The following PDE10A variants were observed in gnomAD, a reference collection of about 807,000 sequenced individuals.
PDE10A encodes cAMP and cAMP-inhibited cGMP 3',5'-cyclic phosphodiesterase 10A.
PDE10A carries 39 observed loss-of-function variants against 97.7 expected under a neutral mutation model. That is an observed-to-expected ratio of 0.40 (90% CI 0.31 to 0.52). PDE10A has a LOEUF of 0.52. Among genes scored for constraint, PDE10A ranks in the 20% least tolerant of loss-of-function variants. The pLI, the probability that PDE10A is intolerant of heterozygous loss-of-function variation, is 0.56. For missense variants in PDE10A, 731 were observed against 1,047.8 expected (o/e 0.70, Z 4.17); for synonymous variants, 371 against 376.8 (o/e 0.98, Z 0.18).
intron 1 of PDE10A, among the ~76,000 whole-genome samples, chr6:165,670,162 T>C (rs1790606977): frequency 6.6e-6 from 1 of 152,206 alleles, no homozygotes; most frequent in African/African-American, 2.4e-5. Context: ...GGGTAAATAA[T>C]GTGCACATTC....
chr6:165,985,473 C>T (rs936747431), intron 1 of PDE10A, among the ~76,000 whole-genome samples: 3 of 152,192 alleles, frequency 2.0e-5, no homozygotes, highest in African/African-American at 7.2e-5. Context: ...CACGTCTCTC[C>T]TTGAAATCAC....
chr6:165,783,149 A>T (rs572641381), intron 1 of PDE10A, among the ~76,000 whole-genome samples: 143 of 152,308 alleles, frequency 9.4e-4, no homozygotes, highest in African/African-American at 3.3e-3. Flanking sequence ...TCAGTTTGTA[A>T]GTGTTTATTG....
At chr6:165,706,666 A>T (rs1347065213) in intron 1 of PDE10A, among the ~76,000 whole-genome samples, 1 of 152,222 alleles carries the variant, frequency 6.6e-6, no homozygotes, top group Non-Finnish European at 1.5e-5. Context: ...AGTAGCCAAG[A>T]CAAAAAAGGA....
At chr6:165,335,037 C>T (rs934363289) in intron 21 of PDE10A, among the ~76,000 whole-genome samples, 3 of 152,148 alleles carry the variant, frequency 2.0e-5, no homozygotes, top group Non-Finnish European at 2.9e-5. Context: ...AAACATGGCC[C>T]GGAGCCAATT....
At chr6:165,831,393 AAAAG>A (rs1779910438) in intron 1 of PDE10A, among the ~76,000 whole-genome samples, 1 of 149,878 alleles carries the variant, frequency 6.7e-6, no homozygotes. Context: ...AAAAAAAAAA[AAAAG>A]GATTGCCCAG....
chr6:165,535,669 G>T (rs1396813240), intron 2 of PDE10A, among the ~76,000 whole-genome samples: 2 of 151,470 alleles, frequency 1.3e-5, no homozygotes, highest in African/African-American at 4.8e-5. Context: ...CACTTAGATT[G>T]GTTCCATATT....
chr6:165,353,775 G>A (rs1396153268), intron 18 of PDE10A, among the ~76,000 whole-genome samples: 1 of 152,134 alleles, frequency 6.6e-6, no homozygotes, highest in Non-Finnish European at 1.5e-5. Context: ...TAGGGCAGTG[G>A]AATTCCTCCA....
intron 1 of PDE10A, among the ~76,000 whole-genome samples, chr6:165,814,275 C>T (rs1779352593): frequency 6.6e-6 from 1 of 152,110 alleles, no homozygotes; most frequent in Non-Finnish European, 1.5e-5. Flanking sequence ...GTGCTCCTTC[C>T]TTAGCACCCG....
chr6:165,534,966 T>G (rs1294045753), intron 2 of PDE10A, among the ~76,000 whole-genome samples: 1 of 151,872 alleles, frequency 6.6e-6, no homozygotes, highest in Non-Finnish European at 1.5e-5. Flanking sequence ...GAGAAAGAAA[T>G]AAAGAGTATC....
chr6:165,670,256 T>G (rs1790610340), intron 1 of PDE10A, among the ~76,000 whole-genome samples: 1 of 152,252 alleles, frequency 6.6e-6, no homozygotes, highest in African/African-American at 2.4e-5. Context: ...GATGCAAGGA[T>G]GCAGCTTGTT....
At chr6:165,705,585 C>G (rs1369103028) in intron 1 of PDE10A, among the ~76,000 whole-genome samples, 2 of 152,136 alleles carry the variant, frequency 1.3e-5, no homozygotes, top group Non-Finnish European at 2.9e-5. Flanking sequence ...TTTGTGGTAA[C>G]AGAATTGTGG....
intron 1 of PDE10A, among the ~76,000 whole-genome samples, chr6:165,816,814 G>T (rs368070174): frequency 2.0e-5 from 3 of 152,292 alleles, no homozygotes; most frequent in Admixed American, 6.5e-5. Context: ...GGTTCCGGAG[G>T]GGGGAAGGGG....
At position 165,819,063 on chromosome 6, in the gene PDE10A, G is replaced by A. The variant is rs927428693; in HGVS notation, c.-615+168466C>T. ...CATTCTGTACATTTATGAAGCCTCC[G>A]TCTAAGCTTGAGTCCTGTGTGCCCA... On this transcript the variant is annotated intron_variant, in intron 1 of 19. Coordinates refer to the PDE10A transcript ENST00000366882. The surrounding 1 kb of genome is among the most constrained non-coding windows in gnomAD (Gnocchi z 4.2). 3.9e-5 allele frequency among the ~76,000 whole-genome samples: 6 copies of A among 152,138 alleles called. No homozygotes were observed. Among genetic ancestry groups the A allele is most frequent in the Non-Finnish European group, 5.9e-5 (4 of 68,028 alleles).
In PDE10A at chr6:165,724,451, A is replaced by C. The variant is rs77705771; in HGVS notation, c.-614-180883T>G. Reference sequence around the variant, plus strand: ...TTATGATAGGCCTTCATACAGGTGGATAGCTGGATTCTCTGGAAAAGGCTA... The same window carrying C: ...TTATGATAGGCCTTCATACAGGTGGCTAGCTGGATTCTCTGGAAAAGGCTA... On this transcript the variant is annotated intron_variant, in intron 1 of 19. Transcript: ENST00000366882. Among the ~76,000 whole-genome samples, 1,343 of 152,298 alleles carry C rather than the reference A, an allele frequency of 8.8e-3. 17 individuals carry two copies. Among genetic ancestry groups the C allele is most frequent in the African/African-American group, 0.03 (1,256 of 41,558 alleles).
intron 1 of PDE10A, among the ~76,000 whole-genome samples, chr6:165,839,908 A>ATTCATCCCAC (rs1562762597): frequency 8.6e-5 from 1 of 11,682 alleles, no homozygotes; most frequent in East Asian, 2.6e-3. Flanking sequence ...CCCATCTCCA[A>ATTCATCCCAC]CTCCATCCCC....
Position 165,661,929 on chromosome 6 carries a change from G to A in PDE10A, c.865+18C>T, listed in dbSNP as rs759530329. ...AGGAGCCGCCCCACCTCCGGGGAAC[G>A]GGGAGCAGGCCACTTACTGGGGCTC... On this transcript the variant is annotated intron_variant, in intron 1 of 21. Coordinates refer to ENST00000539869, the MANE Select transcript of PDE10A (RefSeq NM_001385079.1). The surrounding 1 kb of genome is among the most constrained non-coding windows in gnomAD (Gnocchi z 4.8). 23 of 894,500 alleles carry A rather than the reference G, an allele frequency of 2.6e-5. No homozygotes were observed. The South Asian group carries it at 3.2e-4, about 12-fold the overall frequency. 55.4% of individuals were successfully genotyped at this position (894,500 alleles called of 1,614,324 possible). A position where few individuals can be genotyped will look rare whatever the true frequency, so the allele number is the denominator to read the frequency against.
chr6:165,891,020 G>C (rs189686478), intron 1 of PDE10A, among the ~76,000 whole-genome samples: 81 of 152,240 alleles, frequency 5.3e-4, no homozygotes, highest in African/African-American at 1.9e-3. Flanking sequence ...CTGCCTTTTT[G>C]AAACTGAAAG....
intron 1 of PDE10A, among the ~76,000 whole-genome samples, chr6:165,715,774 A>T (rs972160556): frequency 6.6e-6 from 1 of 152,134 alleles, no homozygotes; most frequent in Non-Finnish European, 1.5e-5. Flanking sequence ...CAGTAGGGGG[A>T]CGTCCCTCTT....
At chr6:165,616,822 T>G (rs1351203529) in intron 1 of PDE10A, among the ~76,000 whole-genome samples, 1 of 152,134 alleles carries the variant, frequency 6.6e-6, no homozygotes. Flanking sequence ...CATGACACTG[T>G]GCACCACCAG....
Sources: gnomAD v4.1 joint callset for allele counts (sites outside exome capture counted in the v4.1 genomes callset) on GRCh38, gnomAD v4.1.1 for gene constraint, Gnocchi (gnomAD v3.1) non-coding constraint, MANE v1.5 for transcripts, NCBI Gene and HGNC (gene_info 2026-07-23, HGNC 2026-07-21) for gene names.